Variants in AKAP1 observed in about 807,000 individuals in gnomAD.
AKAP1 encodes A-kinase anchor protein 1, mitochondrial.
Under a neutral mutation model 79.8 loss-of-function variants are expected in AKAP1, and 32 were observed. The ratio of observed to expected loss-of-function variants is 0.40; its 90% CI spans 0.30 to 0.54. The LOEUF (loss-of-function observed/expected upper bound fraction) is 0.54. Among genes scored for constraint, AKAP1 ranks in the 20% least tolerant of loss-of-function variants. The probability of loss-of-function intolerance (pLI) is 0.47; values close to 1 mark genes in which losing one functional copy is unlikely to be tolerated. For synonymous variants in AKAP1, 416 were observed against 466.7 expected (o/e 0.89, Z 1.40); for missense variants, 961 against 1,138.9 (o/e 0.84, Z 2.25).
At chr17:57,091,543 G>A (rs780605438) in intron 1 of AKAP1, among the ~76,000 whole-genome samples, 6 of 152,150 alleles carry the variant, frequency 3.9e-5, no homozygotes, top group Non-Finnish European at 8.8e-5. Context: ...TCCTGGTGCA[G>A]GCAGGCATGT....
intron 1 of AKAP1, among the ~76,000 whole-genome samples, chr17:57,101,316 A>G (rs1462356042): frequency 6.6e-6 from 1 of 152,108 alleles, no homozygotes; most frequent in Non-Finnish European, 1.5e-5. Flanking sequence ...CTCCTGCCTC[A>G]GCCTCTGGAG....
chr17:57,107,284 A>G (rs2144725615), intron 2 of AKAP1, 106 bp downstream of exon 2: 6 of 1,461,952 alleles, frequency 4.1e-6, no homozygotes, highest in Non-Finnish European at 5.5e-6. Context: ...GCAAAGTCAT[A>G]GTGCTCTTCA....
chr17:57,093,568 A>T (rs1472261481), intron 1 of AKAP1: 2 of 152,214 alleles, frequency 1.3e-5, no homozygotes, highest in African/African-American at 4.8e-5. Context: ...ATAAGGCCTT[A>T]CAAGTTTGTA....
intron 9 of AKAP1, 117 bp from the exon 10 acceptor site, chr17:57,118,865 A>AC: frequency 8.9e-7 from 1 of 1,117,988 alleles, no homozygotes; most frequent in Non-Finnish European, 1.3e-6. Flanking sequence ...TGATCCAATC[A>AC]CCTCCCACCA....
chr17:57,096,191 G>A (rs959553540), intron 1 of AKAP1: 10 of 152,226 alleles, frequency 6.6e-5, no homozygotes, highest in African/African-American at 1.7e-4. Context: ...TTGGGCTGGC[G>A]GAGCTCTTAC....
Position 57,106,267 on chromosome 17 carries a change from C to G in AKAP1, c.803C>G (p.Pro268Arg). 6.2e-7 allele frequency: 1 copy of G among 1,614,098 alleles called. No individual in the cohort carries two copies. The highest frequency in any genetic ancestry group is 8.5e-7 in the Non-Finnish European group (1 of 1,180,014). Residue 268 changes from proline to arginine, a missense_variant, in exon 2 of 11, where the codon CCA becomes CGA. Pro to Arg is a moderately radical substitution (Grantham distance 103, BLOSUM62 -2). Around this residue, in one of 3 missense-constraint regions of AKAP1, gnomAD observed 224 missense variants for 210.2 expected, o/e 1.07. Coordinates refer to ENST00000337714, the MANE Select transcript of AKAP1 (RefSeq NM_003488.4). ...GAAGAGTATGTAGCAGAGAAGTTGC[C>G]AAGTAGGTTCATCGAGTCGGCTCAC... Reference protein sequence around the residue: ...QEEEYVAEKLPSRFIESAHTE... With the variant: ...QEEEYVAEKLRSRFIESAHTE...
Position 57,107,096 on chromosome 17 carries a change from C to T in AKAP1, c.1632C>T (p.Ser544=), listed in dbSNP as rs1161303157. ...TGCCAGAAAGTACTGTGCCCTTCAG[C>T]AATGGGGTGCTGAAGGGGGAGTTGT... The part of the protein sequence containing the change: ...PPLPESTVPF[S]NGVLKGELSD... Residue 544 remains serine (S), a synonymous_variant, in exon 2 of 11, where the codon AGC becomes AGT. Coordinates refer to ENST00000337714, the MANE Select transcript of AKAP1 (RefSeq NM_003488.4). The T allele has an allele frequency of 3.1e-6, 5 of 1,614,058 alleles. No individual in the cohort carries two copies. The highest frequency in any genetic ancestry group is 4.2e-6 in the Non-Finnish European group (5 of 1,180,034).
chr17:57,114,948 T>C (rs1165110390), intron 6 of AKAP1, among the ~76,000 whole-genome samples: 1 of 152,064 alleles, frequency 6.6e-6, no homozygotes, highest in African/African-American at 2.4e-5. Flanking sequence ...TGCCACCTAT[T>C]TATTATCTGT....
At chr17:57,112,395 G>T (rs1302708933) in intron 4 of AKAP1, 96 bp from the exon 5 acceptor site, 4 of 1,462,944 alleles carry the variant, frequency 2.7e-6, no homozygotes, top group Non-Finnish European at 3.7e-6. Flanking sequence ...TCTATGCAAA[G>T]TCCAGTGGAG....
Position 57,112,479 on chromosome 17 carries a change from T to C in AKAP1, c.1976-12T>C, listed in dbSNP as rs1339027241. ...ACAGTGATTGTATGTCCTGCCCCCA[T>C]CCGCTATTTAGGCTCTCAACATCAT... On this transcript the variant is annotated splice_polypyrimidine_tract_variant and intron_variant, in intron 4 of 10. Coordinates refer to ENST00000337714, the MANE Select transcript of AKAP1 (RefSeq NM_003488.4). The C allele has an allele frequency of 9.9e-6, 16 of 1,612,514 alleles. No individual in the cohort carries two copies. In the East Asian group the frequency reaches 3.6e-4, roughly 36 times the overall value.
chr17:57,086,276 G>A lies in AKAP1; in HGVS notation c.-25+878G>A, dbSNP rs575275737. 6.2e-4 allele frequency: 233 copies of A among 377,506 alleles called. No homozygotes were observed. The highest frequency in any genetic ancestry group is 1.1e-3 in the Non-Finnish European group (209 of 190,434). 23.4% of individuals were successfully genotyped at this position (377,506 alleles called of 1,614,324 possible). ...ACCGCGCCAGTTTTGGGGTTACGAT[G>A]TGCTAGGAGAGGCAGTGGCTGGATG... On this transcript the variant is annotated intron_variant, in intron 1 of 10. Transcript: ENST00000337714. The surrounding 1 kb of genome is among the most constrained non-coding windows in gnomAD (Gnocchi z 5.1).
chr17:57,118,604 T>C, intron 9 of AKAP1, 150 bp downstream of exon 9: 1 of 733,294 alleles, frequency 1.4e-6, no homozygotes, highest in Non-Finnish European at 2.3e-6. Flanking sequence ...TATTAGTCTG[T>C]TCTCACATTG....
In AKAP1 at chr17:57,102,325, G is replaced by C. The variant is rs1184969768; in HGVS notation, c.-24-3116G>C. Among the ~76,000 whole-genome samples, 4 of 152,046 alleles carry C rather than the reference G, an allele frequency of 2.6e-5. No individual in the cohort carries two copies. The East Asian group carries it at 7.7e-4, about 29-fold the overall frequency. ...GTAGGATGTGGTTATGAGCTTTTAA[G>C]AGCTATCATAAGGCTCTCCGGAAAG... On this transcript the variant is annotated intron_variant, in intron 1 of 10. Transcript: ENST00000337714.
intron 1 of AKAP1, chr17:57,096,725 C>G (rs1439193177): frequency 6.6e-6 from 1 of 152,310 alleles, no homozygotes; most frequent in Non-Finnish European, 1.5e-5. Flanking sequence ...CTACCATCGC[C>G]CCCACCCTTG....
intron 6 of AKAP1, 66 bp from the exon 7 acceptor site, chr17:57,116,045 G>A (rs762519093): frequency 2.0e-5 from 32 of 1,569,380 alleles, no homozygotes; most frequent in Non-Finnish European, 2.7e-5. Flanking sequence ...GTGGGTAGTG[G>A]CCAGGTGGCC....
rs1914870197 is a variant in AKAP1 at position 57,106,404 on chromosome 17, G to A, written c.940G>A (p.Glu314Lys). Residue 314 changes from glutamate to lysine, a missense_variant, in exon 2 of 11, where the codon GAG becomes AAG. Transcript: ENST00000337714. ...CAATGAGGAGAGCTTGGATAGAAAT[G>A]AGGAGGGCTTGGATAGAAATGAGGA... ...LGNEESLDRNEEGLDRNEEGL... is the reference protein window; with the variant it reads ...LGNEESLDRNKEGLDRNEEGL... 7.1e-7 allele frequency: 1 copy of A among 1,410,476 alleles called. No homozygotes were observed. Among genetic ancestry groups the A allele is most frequent in the Non-Finnish European group, 9.9e-7 (1 of 1,011,384 alleles). The allele number at this position is 1,410,476 out of a possible 1,614,324, so 87.4% of individuals were successfully genotyped here.
chr17:57,087,675 T>G (rs538620382), intron 1 of AKAP1, among the ~76,000 whole-genome samples: 2 of 152,352 alleles, frequency 1.3e-5, no homozygotes, highest in East Asian at 3.9e-4. Context: ...TTGTTTCTCT[T>G]GAATTACTTG....
intron 1 of AKAP1, among the ~76,000 whole-genome samples, chr17:57,100,149 G>A (rs769304726): frequency 1.1e-4 from 16 of 152,184 alleles, no homozygotes; most frequent in Non-Finnish European, 2.1e-4. Context: ...ACTAGCCCCC[G>A]GTGGGGTAGC....
chr17:57,085,641 C>G (rs1913396249), intron 1 of AKAP1: 1 of 152,318 alleles, frequency 6.6e-6, no homozygotes, highest in Non-Finnish European at 1.5e-5. Context: ...GTTGTCTGCC[C>G]GCGGGCTCCT....
Sources: allele counts gnomAD v4.1 joint callset (sites outside exome capture counted in the v4.1 genomes callset), GRCh38; gene constraint gnomAD v4.1.1; regional missense constraint gnomAD v4.1.1; non-coding constraint Gnocchi (gnomAD v3.1); transcripts MANE v1.5; gene names NCBI Gene and HGNC (gene_info 2026-07-23, HGNC 2026-07-21).